PLAA: variants seen among roughly 807,000 people sequenced by gnomAD.
PLAA encodes phospholipase A2 activating protein.
Under a neutral mutation model 84.1 loss-of-function variants are expected in PLAA, and 48 were observed. That is an observed-to-expected ratio of 0.57 (90% CI 0.45 to 0.73). The LOEUF is 0.73. PLAA is among the 30% of genes least tolerant of loss of function. The pLI is 0.00. For missense variants in PLAA, 903 were observed against 954.7 expected, an observed-to-expected ratio of 0.95 and a Z score of 0.71; for synonymous variants, 392 against 336.6, an observed-to-expected ratio of 1.16 and a Z score of -1.80.
At chr9:26,922,163 T>C (rs887648131) in intron 7 of PLAA, among the ~76,000 whole-genome samples, 2 of 152,236 alleles carry the variant, frequency 1.3e-5, no homozygotes, top group African/African-American at 2.4e-5. Flanking sequence ...ATGTCTACTT[T>C]AGGTTTTCTC....
At chr9:26,911,764 T>G (rs755744433) in intron 11 of PLAA, among the ~76,000 whole-genome samples, 129 of 152,342 alleles carry the variant, frequency 8.5e-4, no homozygotes, top group Non-Finnish European at 1.1e-3. Context: ...ATTTCAAATC[T>G]TAATCAATTT....
Position 26,923,254 on chromosome 9 carries a change from G to A in PLAA, c.963C>T (p.Thr321=), listed in dbSNP as rs972463304. The A allele has an allele frequency of 6.2e-7, 1 of 1,613,772 alleles. No homozygotes were observed. Residue 321 remains threonine (T), a synonymous_variant, in exon 7 of 14, where the codon ACC becomes ACT. Coordinates refer to ENST00000397292, the MANE Select transcript of PLAA (RefSeq NM_001031689.3). ...KAFEKELSHA[T]IDSKTGDLGD... is the part of the protein sequence containing the mutation. ...CTAAATCGCCAGTTTTAGAATCAAT[G>A]GTTGCGTGAGACAGTTCTTTTTCAA... is the stretch of plus-strand genomic sequence containing the variant.
At chr9:26,908,183 T>G (rs1183702040) in intron 12 of PLAA, among the ~76,000 whole-genome samples, 185 bp from the exon 13 acceptor site, 2 of 151,354 alleles carry the variant, frequency 1.3e-5, no homozygotes, top group Non-Finnish European at 2.9e-5. Flanking sequence ...TTTTTTTTTT[T>G]TTGAGATGGA....
intron 2 of PLAA, among the ~76,000 whole-genome samples, chr9:26,933,265 T>TC (rs1563917417): frequency 7.3e-6 from 1 of 137,146 alleles, no homozygotes; most frequent in South Asian, 2.3e-4. Context: ...AGACTCTGTC[T>TC]AAAAAAAAAA....
intron 2 of PLAA, 117 bp from the exon 3 acceptor site, chr9:26,928,525 A>C: frequency 1.4e-6 from 1 of 731,070 alleles, no homozygotes; most frequent in South Asian, 1.6e-5. Context: ...ATCTTAGCTA[A>C]CTAAGGCTCA....
intron 1 of PLAA, among the ~76,000 whole-genome samples, chr9:26,943,190 C>G (rs1825594442): frequency 6.6e-6 from 1 of 152,080 alleles, no homozygotes; most frequent in African/African-American, 2.4e-5. Context: ...TTATAGAGAC[C>G]TGAAGTAGTC....
intron 11 of PLAA, among the ~76,000 whole-genome samples, chr9:26,913,667 T>C (rs369883183): frequency 5.3e-5 from 8 of 152,144 alleles, no homozygotes; most frequent in Admixed American, 3.9e-4. Flanking sequence ...GGGATAAGGC[T>C]GAAGTACGTT....
chr9:26,944,062 T>C (rs1368590523), intron 1 of PLAA, among the ~76,000 whole-genome samples: 1 of 152,138 alleles, frequency 6.6e-6, no homozygotes, highest in African/African-American at 2.4e-5. Context: ...GTAGAACCTT[T>C]AAGAGGTGAT....
At chr9:26,946,558 C>T in intron 1 of PLAA, among the ~76,000 whole-genome samples, 1 of 151,426 alleles carries the variant, frequency 6.6e-6, no homozygotes, top group East Asian at 1.9e-4. Flanking sequence ...CAAACTACCT[C>T]ACTTCGGAGG....
intron 2 of PLAA, among the ~76,000 whole-genome samples, chr9:26,932,052 C>T (rs72719534): frequency 6.6e-6 from 1 of 152,162 alleles, no homozygotes; most frequent in Admixed American, 6.5e-5. Context: ...TGCACCACTG[C>T]ACTCCAGGCT....
chr9:26,931,509 G>C (rs1218370357), intron 2 of PLAA, among the ~76,000 whole-genome samples: 4 of 152,136 alleles, frequency 2.6e-5, no homozygotes, highest in Non-Finnish European at 2.9e-5. Flanking sequence ...AAGATATTGT[G>C]TGCTTCCTGA....
chr9:26,917,310 T>G, intron 9 of PLAA, 145 bp from the exon 10 acceptor site: 16 of 613,680 alleles, frequency 2.6e-5, no homozygotes, highest in Non-Finnish European at 3.4e-5. Context: ...GAAACTATAG[T>G]CAGAAGTCTT....
chr9:26,919,313 T>G lies in PLAA; in HGVS notation c.1414A>C (p.Thr472Pro), dbSNP rs552555465. Residue 472 changes from threonine (T) to proline (P), a missense_variant, in exon 9 of 14, where the codon ACA becomes CCA. Transcript: ENST00000397292. ...CTCAATATAAACACTAACTTACCTG[T>G]AAATGGATCTGAAAAGCTGGGATTC... ...LGNPSFSDPF[T>P]GGGRYVPGSS... The G allele has an allele frequency of 6.2e-7, 1 of 1,602,520 alleles. No individual in the cohort carries two copies. The highest frequency in any genetic ancestry group is 1.1e-5 in the South Asian group (1 of 90,642).
chr9:26,946,512 G>GGAA (rs1491101522), intron 1 of PLAA, among the ~76,000 whole-genome samples: 8 of 123,124 alleles, frequency 6.5e-5, no homozygotes, highest in East Asian at 2.2e-4. Context: ...CATCTTCTTC[G>GGAA]AAAAAAAAAA....
chr9:26,906,482 C>T (rs1824241562), intron 13 of PLAA, among the ~76,000 whole-genome samples: 2 of 135,898 alleles, frequency 1.5e-5, no homozygotes, highest in Admixed American at 1.7e-4. Flanking sequence ...GGCTGGATTG[C>T]AATGGCATGA....
rs972207702 is a variant in PLAA, at chr9:26,917,172, A to G, written c.1418-7T>C. 6 of 1,613,274 alleles carry G rather than the reference A, an allele frequency of 3.7e-6. No homozygotes were observed. Among genetic ancestry groups the G allele is most frequent in the African/African-American group, 1.3e-5 (1 of 74,920 alleles). ...GGAACATACCGACCACCACCTGTGC[A>G]TGCAAAATAAAGAAAAGGCAGAAGT... On this transcript the variant is annotated splice_region_variant and splice_polypyrimidine_tract_variant and intron_variant, in intron 9 of 13. Coordinates refer to ENST00000397292, the MANE Select transcript of PLAA (RefSeq NM_001031689.3).
At chr9:26,915,792 G>T in intron 10 of PLAA, 1 of 985,134 alleles carries the variant, frequency 1.0e-6, no homozygotes, top group Non-Finnish European at 1.2e-6. Flanking sequence ...AATGGCCCCA[G>T]GAGTTTTCTT....
intron 10 of PLAA, 98 bp from the exon 11 acceptor site, chr9:26,914,045 A>G (rs1046676680): frequency 1.2e-6 from 1 of 828,754 alleles, no homozygotes; most frequent in African/African-American, 1.7e-5. Context: ...ACACTTCACA[A>G]TGGCGTCATT....
At chr9:26,935,520 T>A (rs1404588086) in intron 1 of PLAA, among the ~76,000 whole-genome samples, 1 of 152,198 alleles carries the variant, frequency 6.6e-6, no homozygotes, top group African/African-American at 2.4e-5. Flanking sequence ...CTTCTACACA[T>A]TAGTGACTGT....
Sources: gnomAD v4.1 joint callset for allele counts (sites outside exome capture counted in the v4.1 genomes callset) on GRCh38, gnomAD v4.1.1 for gene constraint, MANE v1.5 for transcripts, NCBI Gene and HGNC (gene_info 2026-07-23, HGNC 2026-07-21) for gene names.